Variants in CDC42EP3 observed in about 807,000 individuals in gnomAD.
CDC42EP3 encodes CDC42 effector protein 3.
Under a neutral mutation model 15.5 loss-of-function variants are expected in CDC42EP3, and 4 were observed. The observed-to-expected ratio is 0.26, with a 90% CI of 0.13 to 0.59. The LOEUF (loss-of-function observed/expected upper bound fraction) is 0.59. Ranked by LOEUF, CDC42EP3 falls within the 20% of genes least tolerant of loss-of-function variation. CDC42EP3 has a pLI of 0.89. For missense variants in CDC42EP3, 309 were observed against 311.2 expected (o/e 0.99, Z 0.05); for synonymous variants, 145 against 130.3 (o/e 1.11, Z -0.77).
At chr2:37,663,651 G>A (rs1245470150) in intron 1 of CDC42EP3, among the ~76,000 whole-genome samples, 1 of 152,240 alleles carries the variant, frequency 6.6e-6, no homozygotes, top group Admixed American at 6.5e-5. Flanking sequence ...TGAATGTTCT[G>A]TAGCCTGGGA....
chr2:37,664,341 G>A (rs933788734), intron 1 of CDC42EP3, among the ~76,000 whole-genome samples: 1 of 152,198 alleles, frequency 6.6e-6, no homozygotes, highest in Non-Finnish European at 1.5e-5. Flanking sequence ...TTTGCCAGAA[G>A]GCTCTCAGGC....
rs539571275 is a variant in CDC42EP3, at chr2:37,652,332, A to T, written c.-235-5510T>A. On this transcript the variant is annotated intron_variant, in intron 1 of 1. Transcript: ENST00000295324. ...AAGGAAGAAGGATCTGCTTGGAGGA[A>T]GGGATGCTGGGAAAAGAGAAAAGGA... 2.0e-5 allele frequency among the ~76,000 whole-genome samples: 3 copies of T among 152,198 alleles called. No homozygotes were observed. The South Asian group carries it at 6.2e-4, about 32-fold the overall frequency.
intron 1 of CDC42EP3, among the ~76,000 whole-genome samples, chr2:37,667,849 G>T (rs868647638): frequency 2.6e-5 from 4 of 152,184 alleles, no homozygotes; most frequent in African/African-American, 9.7e-5. Context: ...AAAGACCTGA[G>T]TTCAAACCCT....
intron 1 of CDC42EP3, among the ~76,000 whole-genome samples, chr2:37,653,796 T>A (rs573321633): frequency 3.2e-4 from 48 of 151,336 alleles, no homozygotes; most frequent in African/African-American, 1.1e-3. Context: ...GCAAAACAGG[T>A]TGCAGTGTTA....
At chr2:37,648,602 G>C (rs1445173615) in intron 1 of CDC42EP3, among the ~76,000 whole-genome samples, 1 of 152,200 alleles carries the variant, frequency 6.6e-6, no homozygotes, top group Non-Finnish European at 1.5e-5. Flanking sequence ...GTATGGGGAG[G>C]AGGCAGAGAA....
rs1037840414 is a variant in CDC42EP3 at position 37,642,432 on chromosome 2, C to A, written c.*3391G>T. On this transcript the variant is annotated 3_prime_UTR_variant, in exon 2 of 2. Coordinates refer to ENST00000295324, the MANE Select transcript of CDC42EP3 (RefSeq NM_006449.5). ...ATATGGCTGTCTAGTGGGTGGCTTA[C>A]TGACTTGCCTAAGAAAAAATAAGTC... is the stretch of plus-strand genomic sequence containing the variant. 2 of 152,184 alleles carry A rather than the reference C, an allele frequency of 1.3e-5. No individual in the cohort carries two copies. The highest frequency in any genetic ancestry group is 1.3e-4 in the Admixed American group (2 of 15,288). 9.4% of individuals were successfully genotyped at this position (152,184 alleles called of 1,614,324 possible).
rs1333502311 is a variant in CDC42EP3 at position 37,643,459 on chromosome 2, A to T, written c.*2364T>A. 1 of 152,198 alleles carries T rather than the reference A, an allele frequency of 6.6e-6. No individual in the cohort carries two copies. Among genetic ancestry groups the T allele is most frequent in the African/African-American group, 2.4e-5 (1 of 41,440 alleles). The allele number at this position is 152,198 out of a possible 1,614,324, so 9.4% of individuals were successfully genotyped here. A position where few individuals can be genotyped will look rare whatever the true frequency, so the allele number is the denominator to read the frequency against. On this transcript the variant is annotated 3_prime_UTR_variant, in exon 2 of 2. Transcript: ENST00000295324. ...AATGGAAGAAAATGTACATGAAAGAACTCCCAGAAACTAAAATGGCTAACT... is the reference window on the plus strand; with the variant it reads ...AATGGAAGAAAATGTACATGAAAGATCTCCCAGAAACTAAAATGGCTAACT...
Position 37,644,878 on chromosome 2 carries a change from A to G in CDC42EP3, c.*945T>C, listed in dbSNP as rs182607170. 75 of 148,492 alleles carry G rather than the reference A, an allele frequency of 5.1e-4. 1 individual carries two copies. Among genetic ancestry groups the G allele is most frequent in the African/African-American group, 1.9e-3 (73 of 38,906 alleles). The allele number at this position is 148,492 out of a possible 1,614,324, so 9.2% of individuals were successfully genotyped here. A position where few individuals can be genotyped will look rare whatever the true frequency, so the allele number is the denominator to read the frequency against. ...TTTTATTGTGTTGCTTGAAGTACCT[A>G]TGTAATGCAAGTATGTACTGTACTA... On this transcript the variant is annotated 3_prime_UTR_variant, in exon 2 of 2. Transcript: ENST00000295324.
At chr2:37,647,522 G>GCTTCA (rs1665516821) in intron 1 of CDC42EP3, 1 of 152,236 alleles carries the variant, frequency 6.6e-6, no homozygotes, top group Non-Finnish European at 1.5e-5. Context: ...GAACAAAACT[G>GCTTCA]CTTCACTTCA....
At chr2:37,670,622 C>T (rs998564628) in intron 1 of CDC42EP3, among the ~76,000 whole-genome samples, 4 of 152,146 alleles carry the variant, frequency 2.6e-5, no homozygotes, top group Admixed American at 1.3e-4. Flanking sequence ...CAGCCACAGC[C>T]TGGCTCTCAG....
chr2:37,672,676 C>A (rs1666471858), upstream of CDC42EP3: 1 of 152,270 alleles, frequency 6.6e-6, no homozygotes, highest in African/African-American at 2.4e-5. Flanking sequence ...CAGGAAAGGG[C>A]GGTGTTTTCC....
At chr2:37,651,818 C>T (rs1334082668) in intron 1 of CDC42EP3, among the ~76,000 whole-genome samples, 2 of 152,128 alleles carry the variant, frequency 1.3e-5, no homozygotes, top group African/African-American at 2.4e-5. Flanking sequence ...ACACAGATAA[C>T]CTTTGATGAT....
intron 1 of CDC42EP3, among the ~76,000 whole-genome samples, chr2:37,657,955 C>T (rs969723140): frequency 1.3e-5 from 2 of 152,178 alleles, no homozygotes; most frequent in African/African-American, 4.8e-5. Context: ...GGTGCTTTTG[C>T]TCTATCAGGT....
chr2:37,656,166 A>G (rs1220449097), intron 1 of CDC42EP3, among the ~76,000 whole-genome samples: 2 of 152,226 alleles, frequency 1.3e-5, no homozygotes, highest in Non-Finnish European at 2.9e-5. Context: ...GCTTTTCTGT[A>G]TGATACCAGC....
intron 1 of CDC42EP3, among the ~76,000 whole-genome samples, chr2:37,650,027 C>T (rs1398758527): frequency 6.7e-6 from 1 of 148,826 alleles, no homozygotes; most frequent in Non-Finnish European, 1.5e-5. Flanking sequence ...ATTGCCAATC[C>T]TAACAGCTCC....
intron 1 of CDC42EP3, among the ~76,000 whole-genome samples, chr2:37,669,264 G>A (rs553362952): frequency 1.4e-5 from 2 of 147,596 alleles, no homozygotes; most frequent in South Asian, 4.3e-4. Context: ...ATCTTTGGGT[G>A]ATACAGGTGA....
upstream of CDC42EP3, chr2:37,672,137 T>A (rs13026016): frequency 0.1 from 15,644 of 151,686 alleles, 1,270 homozygotes; most frequent in African/African-American, 0.23. Context: ...GCCACCTGAG[T>A]GCGCCGCCCC....
chr2:37,664,338 G>A (rs1666185137), intron 1 of CDC42EP3, among the ~76,000 whole-genome samples: 1 of 152,188 alleles, frequency 6.6e-6, no homozygotes, highest in African/African-American at 2.4e-5. Context: ...TGGTTTGCCA[G>A]AAGGCTCTCA....
Position 37,646,188 on chromosome 2 carries a change from A to C in CDC42EP3, c.400T>G (p.Ser134Ala), listed in dbSNP as rs1451388851. The C allele has an allele frequency of 1.9e-6, 3 of 1,613,718 alleles. No homozygotes were observed. Among genetic ancestry groups the C allele is most frequent in the Non-Finnish European group, 2.5e-6 (3 of 1,179,978 alleles). The change falls in exon 2 of 2, where the codon TCC becomes GCC. Residue 134 changes from serine (S) to alanine (A), a missense_variant. By Grantham distance (99) the Ser-to-Ala change is moderately conservative. Coordinates refer to ENST00000295324, the MANE Select transcript of CDC42EP3 (RefSeq NM_006449.5). ...SPVTFNSKQE[S>A]FGPAKLPRLS... is the part of the protein sequence containing the mutation. ...CTGGGCAGCTTTGCTGGCCCGAAGG[A>C]CTCCTGTTTGGAATTAAATGTCACT...
Sources: gnomAD v4.1 joint callset for allele counts (sites outside exome capture counted in the v4.1 genomes callset) on GRCh38, gnomAD v4.1.1 for gene constraint, MANE v1.5 for transcripts, NCBI Gene and HGNC (gene_info 2026-07-23, HGNC 2026-07-21) for gene names.